EPB41: variants seen among roughly 807,000 people sequenced by gnomAD.
The protein encoded by EPB41 is protein 4.1.
Under a neutral mutation model 108.0 loss-of-function variants are expected in EPB41, and 65 were observed. The ratio of observed to expected loss-of-function variants is 0.60; its 90% confidence interval spans 0.49 to 0.74. The LOEUF (loss-of-function observed/expected upper bound fraction) is 0.74. Ranked by LOEUF, EPB41 falls within the 30% of genes least tolerant of loss-of-function variation. EPB41 has a pLI of 0.00. For missense variants in EPB41, 875 were observed against 1,037.0 expected (o/e 0.84, Z 2.15); for synonymous variants, 336 against 358.9 (o/e 0.94, Z 0.72).
At chr1:28,889,683 T>G in intron 1 of EPB41, 1 of 407,302 alleles carries the variant, frequency 2.5e-6, no homozygotes, top group Non-Finnish European at 3.3e-6. Flanking sequence ...TGATGGAACC[T>G]AGGCTGCAGG....
In EPB41 at chr1:29,070,429, A is replaced by G. The variant is rs1465414387; in HGVS notation, c.2184+5271A>G. Reference sequence around the variant, plus strand: ...TTAAAAGGCAAGAAAGATCTACTGAAAGAGCCTTGCCCCAGCAAGAAAATG... The same window carrying G: ...TTAAAAGGCAAGAAAGATCTACTGAGAGAGCCTTGCCCCAGCAAGAAAATG... On this transcript the variant is annotated intron_variant, in intron 16 of 20. Transcript: ENST00000343067. 4.9e-6 allele frequency: 6 copies of G among 1,232,046 alleles called. No individual in the cohort carries two copies. In the African/African-American group the frequency reaches 9.3e-5, roughly 19 times the overall value. 76.3% of individuals were successfully genotyped at this position (1,232,046 alleles called of 1,614,324 possible).
chr1:28,995,534 C>T (rs1166344024), intron 3 of EPB41, among the ~76,000 whole-genome samples: 1 of 152,152 alleles, frequency 6.6e-6, no homozygotes, highest in Non-Finnish European at 1.5e-5. Context: ...TGCACTCCAG[C>T]CTGGCGACAG....
At chr1:29,096,618 C>A in intron 16 of EPB41, 8 of 981,198 alleles carry the variant, frequency 8.2e-6, no homozygotes, top group Non-Finnish European at 9.7e-6. Flanking sequence ...GTAATTTATT[C>A]AATGATGCAG....
intron 10 of EPB41, 65 bp from the exon 11 acceptor site, chr1:29,039,189 A>G: frequency 6.6e-7 from 1 of 1,511,628 alleles, no homozygotes; most frequent in South Asian, 1.2e-5. Flanking sequence ...TTTGTTTTTA[A>G]TTTTACAGTT....
At chr1:28,977,286 A>C (rs2095628805) in intron 1 of EPB41, among the ~76,000 whole-genome samples, 1 of 152,148 alleles carries the variant, frequency 6.6e-6, no homozygotes, top group South Asian at 2.1e-4. Flanking sequence ...GTTTTTGTGA[A>C]GTTTTCAACT....
intron 1 of EPB41, among the ~76,000 whole-genome samples, chr1:28,986,746 A>G (rs1250742644): frequency 6.6e-6 from 1 of 152,076 alleles, no homozygotes; most frequent in Admixed American, 6.6e-5. Flanking sequence ...CCTGGGCAAT[A>G]TAGCAAGACC....
At chr1:29,015,261 A>G (rs1045895923) in intron 5 of EPB41, among the ~76,000 whole-genome samples, 2 of 151,710 alleles carry the variant, frequency 1.3e-5, no homozygotes, top group African/African-American at 4.8e-5. Context: ...GTATTAATAT[A>G]AAAAGAGAAA....
At chr1:29,041,503 T>C (rs963910741) in intron 11 of EPB41, 10 of 151,956 alleles carry the variant, frequency 6.6e-5, no homozygotes, top group Non-Finnish European at 1.3e-4. Context: ...GTAAAAGATA[T>C]AAGTTCAGAA....
chr1:28,971,702 T>G (rs2095499720), intron 1 of EPB41, among the ~76,000 whole-genome samples: 2 of 152,188 alleles, frequency 1.3e-5, no homozygotes, highest in South Asian at 4.1e-4. Context: ...TATTCAGATA[T>G]CTTTCTGAAA....
chr1:28,951,841 G>A (rs1004282980), intron 1 of EPB41, among the ~76,000 whole-genome samples: 1 of 152,086 alleles, frequency 6.6e-6, no homozygotes, highest in African/African-American at 2.4e-5. Context: ...TTGTGCCATC[G>A]TACTGCAGCC....
chr1:29,005,315 G>T (rs2096380939), intron 4 of EPB41, among the ~76,000 whole-genome samples: 1 of 151,894 alleles, frequency 6.6e-6, no homozygotes, highest in Non-Finnish European at 1.5e-5. Context: ...ACACCAAAGG[G>T]GGAAATCTAC....
intron 1 of EPB41, among the ~76,000 whole-genome samples, chr1:28,917,486 G>A (rs2092767721): frequency 6.6e-6 from 1 of 151,968 alleles, no homozygotes; most frequent in South Asian, 2.1e-4. Flanking sequence ...TCACCATGTT[G>A]GTCAGTATGG....
intron 1 of EPB41, among the ~76,000 whole-genome samples, chr1:28,961,862 CT>C (rs1259276644): frequency 1.3e-5 from 2 of 152,140 alleles, no homozygotes; most frequent in African/African-American, 4.8e-5. Context: ...ATTTTCTCTT[CT>C]TTTGTGAGGA....
chr1:28,899,311 T>A (rs1463712573), intron 1 of EPB41, among the ~76,000 whole-genome samples: 5 of 152,182 alleles, frequency 3.3e-5, no homozygotes, highest in Non-Finnish European at 7.3e-5. Flanking sequence ...TCTTAAAAAC[T>A]TCTTCTGCCC....
chr1:29,069,672 G>A (rs536195806), intron 16 of EPB41: 1 of 167,118 alleles, frequency 6.0e-6, no homozygotes, highest in East Asian at 1.9e-4. Context: ...TGTAATAAAA[G>A]TAACTTTTTT....
At chr1:28,964,822 C>T (rs1178557949) in intron 1 of EPB41, among the ~76,000 whole-genome samples, 3 of 152,072 alleles carry the variant, frequency 2.0e-5, no homozygotes, top group African/African-American at 4.8e-5. Context: ...GCTTGCCATT[C>T]GGGTGCACAT....
intron 16 of EPB41, among the ~76,000 whole-genome samples, chr1:29,095,848 T>C (rs1663023558): frequency 6.6e-6 from 1 of 152,218 alleles, no homozygotes. Context: ...CTTAGGCATT[T>C]AGGAATGACA....
intron 15 of EPB41, among the ~76,000 whole-genome samples, chr1:29,061,588 T>TG (rs1450565992): frequency 3.6e-5 from 5 of 140,134 alleles, no homozygotes; most frequent in Non-Finnish European, 7.7e-5. Context: ...TTTTTTTTTT[T>TG]TTTTTTTTTT....
At chr1:29,082,375 C>T (rs549780532) in intron 16 of EPB41, among the ~76,000 whole-genome samples, 102 of 152,324 alleles carry the variant, frequency 6.7e-4, no homozygotes, top group Non-Finnish European at 1.1e-3. Context: ...CTGCCCACCT[C>T]AGCCTCCCAA....
Sources: gnomAD v4.1 joint callset for allele counts (sites outside exome capture counted in the v4.1 genomes callset) on GRCh38, gnomAD v4.1.1 for gene constraint, MANE v1.5 for transcripts, NCBI Gene and HGNC (gene_info 2026-07-23, HGNC 2026-07-21) for gene names.